Variants in ADAM23 observed in about 807,000 individuals in gnomAD.
ADAM23 encodes ADAM metallopeptidase domain 23, also known as disintegrin and metalloproteinase domain-containing protein 23.
In ADAM23, 33 loss-of-function variants were observed where a neutral mutation model predicts 120.1. The ratio of observed to expected loss-of-function variants is 0.27; its 90% CI spans 0.21 to 0.37. ADAM23 has a LOEUF of 0.37. ADAM23 is among the 10% of genes least tolerant of loss of function. The pLI is 1.00. For synonymous variants in ADAM23, 367 were observed against 375.2 expected (o/e 0.98, Z 0.25); for missense variants, 862 against 1,058.2 (o/e 0.81, Z 2.57).
Position 206,543,271 on chromosome 2 carries a change from T to C in ADAM23, c.675T>C (p.Asp225=), listed in dbSNP as rs1697330236. 1.2e-6 allele frequency: 2 copies of C among 1,613,982 alleles called. No individual in the cohort carries two copies. Among genetic ancestry groups the C allele is most frequent in the African/African-American group, 2.7e-5 (2 of 74,930 alleles). The change falls in exon 6 of 26, where the codon GAT becomes GAC. Residue 225 remains aspartate (D), a synonymous_variant. Coordinates refer to ENST00000264377, the MANE Select transcript of ADAM23 (RefSeq NM_003812.4). ...GTGCTAGTGGCATGTTTGAAGATGA[T>C]ACCTTCGTGTATATGATAGAGCCAC... ...CNGLHGMFED[D]TFVYMIEPLE...
At position 206,557,448 on chromosome 2, in the gene ADAM23, C is replaced by T. The variant is rs906990188; in HGVS notation, c.955C>T (p.His319Tyr). 16 of 1,613,610 alleles carry T rather than the reference C, an allele frequency of 9.9e-6. No individual in the cohort carries two copies. Among genetic ancestry groups the T allele is most frequent in the East Asian group, 2.2e-5 (1 of 44,866 alleles). The change falls in exon 10 of 26, where the codon CAT becomes TAT. Residue 319 changes from histidine to tyrosine, a missense_variant. Coordinates refer to ENST00000264377, the MANE Select transcript of ADAM23 (RefSeq NM_003812.4). ...CTAGTATAAGAAGCATCGCTCTTCT[C>T]ATGCACATACCAACAACTTTGCAAA... ...HKTYKKHRSS[H>Y]AHTNNFAKSV...
At chr2:206,479,210 A>G (rs1695844770) in intron 2 of ADAM23, among the ~76,000 whole-genome samples, 1 of 152,226 alleles carries the variant, frequency 6.6e-6, no homozygotes, top group African/African-American at 2.4e-5. Context: ...TGTAACTCCT[A>G]CAATTCTGTA....
intron 2 of ADAM23, among the ~76,000 whole-genome samples, chr2:206,464,740 C>T (rs529670405): frequency 1.3e-5 from 2 of 152,158 alleles, no homozygotes; most frequent in South Asian, 4.2e-4. Context: ...TTGGCAGTGT[C>T]TGGAGATATT....
At position 206,445,493 on chromosome 2, in the gene ADAM23, C is replaced by G. The variant is rs749093753; in HGVS notation, c.401C>G (p.Thr134Arg). 46 of 1,613,898 alleles carry G rather than the reference C, an allele frequency of 2.9e-5. No homozygotes were observed. ...DSESPYHVLD[T>R]KARHQQKHNK... Reference sequence around the variant, plus strand: ...GAAAGCCCTTATCACGTTCTTGACACAAAGGCAAGACACCAGCAAAAACAT... The same window carrying G: ...GAAAGCCCTTATCACGTTCTTGACAGAAAGGCAAGACACCAGCAAAAACAT... The change falls in exon 2 of 26, where the codon ACA (threonine) becomes AGA (arginine). Residue 134 changes from threonine to arginine, a missense_variant. Physicochemically the swap from Thr to Arg is moderately conservative, Grantham distance 71. Coordinates refer to ENST00000264377, the MANE Select transcript of ADAM23 (RefSeq NM_003812.4).
chr2:206,585,847 G>A (rs1265743277), intron 18 of ADAM23, among the ~76,000 whole-genome samples: 4 of 152,104 alleles, frequency 2.6e-5, no homozygotes, highest in Non-Finnish European at 4.4e-5. Context: ...AAAAAAACTT[G>A]TAGACTTCTC....
intron 10 of ADAM23, among the ~76,000 whole-genome samples, chr2:206,558,561 G>T (rs1445679096): frequency 6.6e-6 from 1 of 152,184 alleles, no homozygotes; most frequent in Non-Finnish European, 1.5e-5. Context: ...TAGCATCTCA[G>T]TGCCAATTTA....
intron 25 of ADAM23, among the ~76,000 whole-genome samples, chr2:206,615,303 T>C (rs1050100148): frequency 6.6e-6 from 1 of 152,176 alleles, no homozygotes; most frequent in Non-Finnish European, 1.5e-5. Flanking sequence ...AGAAATACCT[T>C]ACAGGTTATG....
In ADAM23 at chr2:206,457,140, T is replaced by C. The variant is rs561103894; in HGVS notation, c.432+11616T>C. Among the ~76,000 whole-genome samples the C allele has an allele frequency of 2.0e-5, 3 of 152,350 alleles. No homozygotes were observed. The East Asian group carries it at 5.8e-4, about 29-fold the overall frequency. Reference sequence around the variant, plus strand: ...TAGAATGCATGAAATCAACTTTAGCTCAACTCTCCAATGCATTGGTAATAA... The same window carrying C: ...TAGAATGCATGAAATCAACTTTAGCCCAACTCTCCAATGCATTGGTAATAA... On this transcript the variant is annotated intron_variant, in intron 2 of 25. Transcript: ENST00000264377.
intron 3 of ADAM23, among the ~76,000 whole-genome samples, chr2:206,494,515 A>G (rs1696198654): frequency 6.6e-6 from 1 of 152,188 alleles, no homozygotes; most frequent in South Asian, 2.1e-4. Context: ...AAAGCTATAC[A>G]GAGGAGGAGA....
chr2:206,444,791 T>C (rs1159634005), intron 1 of ADAM23, among the ~76,000 whole-genome samples: 2 of 152,208 alleles, frequency 1.3e-5, no homozygotes, highest in East Asian at 1.9e-4. Context: ...GAGAAGGGAA[T>C]TGTCCATTTT....
At chr2:206,564,190 A>C (rs1325245015) in intron 13 of ADAM23, among the ~76,000 whole-genome samples, 1 of 152,038 alleles carries the variant, frequency 6.6e-6, no homozygotes, top group Non-Finnish European at 1.5e-5. Flanking sequence ...CTATATATAT[A>C]CGTTGATATA....
At chr2:206,480,476 T>C (rs545570179) in intron 2 of ADAM23, among the ~76,000 whole-genome samples, 1 of 151,744 alleles carries the variant, frequency 6.6e-6, no homozygotes, top group Non-Finnish European at 1.5e-5. Flanking sequence ...TTTTTTTTTT[T>C]CCTGATAGTG....
chr2:206,593,023 A>G (rs1034094427), intron 22 of ADAM23, among the ~76,000 whole-genome samples: 9 of 152,188 alleles, frequency 5.9e-5, no homozygotes, highest in Non-Finnish European at 1.0e-4. Flanking sequence ...CTAACCCATT[A>G]TTAAAGTTTT....
At chr2:206,565,200 TA>T (rs1419471620) in intron 14 of ADAM23, 132 bp downstream of exon 14, 4 of 750,352 alleles carry the variant, frequency 5.3e-6, no homozygotes, top group Non-Finnish European at 8.5e-6. Context: ...AATTGTCTGA[TA>T]TTTTTAAACT....
At chr2:206,504,122 T>C (rs1202960357) in intron 3 of ADAM23, among the ~76,000 whole-genome samples, 1 of 152,176 alleles carries the variant, frequency 6.6e-6, no homozygotes, top group East Asian at 1.9e-4. Context: ...ATGACCTATT[T>C]CTTGATATAA....
At chr2:206,544,677 A>T (rs1243263857) in intron 6 of ADAM23, among the ~76,000 whole-genome samples, 1 of 146,476 alleles carries the variant, frequency 6.8e-6, no homozygotes, top group Non-Finnish European at 1.5e-5. Flanking sequence ...CAGTGGCACT[A>T]TCTTGGCTCA....
intron 3 of ADAM23, among the ~76,000 whole-genome samples, chr2:206,529,097 A>C (rs1696997657): frequency 6.6e-6 from 1 of 152,210 alleles, no homozygotes. Context: ...GTTGAGTTAA[A>C]ATAAAAATAG....
intron 3 of ADAM23, among the ~76,000 whole-genome samples, chr2:206,505,739 A>G (rs1383680934): frequency 6.6e-6 from 1 of 152,222 alleles, no homozygotes; most frequent in East Asian, 1.9e-4. Context: ...GGGCAGGGAC[A>G]CAGACTCAAA....
chr2:206,575,258 T>C (rs762270944), intron 18 of ADAM23, among the ~76,000 whole-genome samples: 4 of 152,118 alleles, frequency 2.6e-5, no homozygotes, highest in Non-Finnish European at 2.9e-5. Flanking sequence ...TCAGGGCAGG[T>C]AGGGACATGT....
Sources: gnomAD v4.1 joint callset for allele counts (sites outside exome capture counted in the v4.1 genomes callset) on GRCh38, gnomAD v4.1.1 for gene constraint, MANE v1.5 for transcripts, NCBI Gene and HGNC (gene_info 2026-07-23, HGNC 2026-07-21) for gene names.